NOM1: variants seen among roughly 807,000 people sequenced by gnomAD.
The protein encoded by NOM1 is nucleolar MIF4G domain-containing protein 1.
A neutral mutation model predicts 73.3 loss-of-function variants in NOM1; 58 were observed. The observed-to-expected ratio is 0.79, with a 90% CI of 0.64 to 0.99. The LOEUF (loss-of-function observed/expected upper bound fraction) is 0.99, where lower values mean the gene tolerates loss of function less well. NOM1 is among the 50% of genes least tolerant of loss of function. The pLI is 0.00. For synonymous variants in NOM1, 487 were observed against 446.8 expected (o/e 1.09, Z -1.14); for missense variants, 1,226 against 1,131.9 (o/e 1.08, Z -1.19).
At chr7:156,968,062 G>A (rs969951389) in intron 9 of NOM1, among the ~76,000 whole-genome samples, 4 of 152,280 alleles carry the variant, frequency 2.6e-5, no homozygotes, top group Admixed American at 6.5e-5. Context: ...TCAGCATGCC[G>A]GCTCCAGTTC....
intron 1 of NOM1, among the ~76,000 whole-genome samples, chr7:156,951,866 C>T (rs1389243166): frequency 6.6e-6 from 1 of 151,978 alleles, no homozygotes; most frequent in Non-Finnish European, 1.5e-5. Flanking sequence ...ACCACCATGC[C>T]CGGCTAATTT....
chr7:156,953,984 A>G (rs952850144), intron 2 of NOM1, 119 bp from the exon 3 acceptor site: 3 of 781,964 alleles, frequency 3.8e-6, no homozygotes, highest in Admixed American at 3.0e-5. Context: ...TAAGGGGTCA[A>G]AAGTGTACAT....
At position 156,963,484 on chromosome 7, in the gene NOM1, G is replaced by A. The variant is rs555377053; in HGVS notation, c.1911+309G>A. 9.6e-5 allele frequency: 45 copies of A among 470,170 alleles called. No individual in the cohort carries two copies. The South Asian group carries it at 9.9e-4, about 10-fold the overall frequency. The allele number at this position is 470,170 out of a possible 1,614,324, so 29.1% of individuals were successfully genotyped here. ...CTGAGACCCCTCAGGCTGCCCCCCGGGCTGTGCATTCTAGGCTACAGGCTA... is the reference window on the plus strand; with the variant it reads ...CTGAGACCCCTCAGGCTGCCCCCCGAGCTGTGCATTCTAGGCTACAGGCTA... On this transcript the variant is annotated intron_variant, in intron 6 of 10. Coordinates refer to ENST00000275820, the MANE Select transcript of NOM1 (RefSeq NM_138400.2).
chr7:156,967,717 A>G (rs944364828), intron 9 of NOM1, among the ~76,000 whole-genome samples: 8 of 151,968 alleles, frequency 5.3e-5, no homozygotes, highest in Non-Finnish European at 8.8e-5. Flanking sequence ...TAGAGACGGG[A>G]TTTCACCATG....
rs771386386 is a variant in NOM1 at position 156,966,926 on chromosome 7, G to A, written c.2167-35G>A. The A allele has an allele frequency of 2.2e-5, 35 of 1,582,890 alleles. 1 individual carries two copies. Among genetic ancestry groups the A allele is most frequent in the East Asian group, 1.3e-4 (6 of 44,492 alleles). ...TGATATATTATAGTAATTTGTGGCC[G>A]TTTGCCTTTTTTCTCCTTTTAACTA... On this transcript the variant is annotated intron_variant, in intron 8 of 10. Transcript: ENST00000275820.
At chr7:156,962,043 G>A (rs1180605383) in intron 4 of NOM1, 108 bp from the exon 5 acceptor site, 21 of 814,676 alleles carry the variant, frequency 2.6e-5, no homozygotes, top group Non-Finnish European at 4.2e-5. Flanking sequence ...TTTGTATCGT[G>A]GCGGTGGCGG....
chr7:156,969,413 T>C (rs1805084286), intron 10 of NOM1, 116 bp from the exon 11 acceptor site: 2 of 921,752 alleles, frequency 2.2e-6, no homozygotes, highest in South Asian at 1.8e-5. Context: ...AAGTTCTTAA[T>C]TGAGAATTTT....
chr7:156,963,958 C>T lies in NOM1; in HGVS notation c.1965C>T (p.Ile655=). 6.2e-7 allele frequency: 1 copy of T among 1,614,064 alleles called. No individual in the cohort carries two copies. The highest frequency in any genetic ancestry group is 1.1e-5 in the South Asian group (1 of 91,070). The part of the protein sequence containing the change: ...LARKQRMNTD[I]RRNIFCTIMT... Reference sequence around the variant, plus strand: ...GGAAGCAGAGGATGAACACAGACATCCGGAGAAACATATTCTGCACAATAA... The same window carrying T: ...GGAAGCAGAGGATGAACACAGACATTCGGAGAAACATATTCTGCACAATAA... The change falls in exon 7 of 11, where the codon ATC becomes ATT. Residue 655 remains isoleucine (I), a synonymous_variant. Transcript: ENST00000275820.
At chr7:156,966,006 A>G (rs559108043) in intron 7 of NOM1, among the ~76,000 whole-genome samples, 60 of 152,324 alleles carry the variant, frequency 3.9e-4, no homozygotes, top group African/African-American at 1.4e-3. Context: ...AGCCGGGCAC[A>G]GCTGTCGACT....
At chr7:156,964,901 A>G (rs991848672) in intron 7 of NOM1, among the ~76,000 whole-genome samples, 1 of 152,154 alleles carries the variant, frequency 6.6e-6, no homozygotes, top group African/African-American at 2.4e-5. Flanking sequence ...GGTCTAGCTT[A>G]TCCTTTGTAC....
rs759523570 is a variant in NOM1, at chr7:156,963,072, C to T, written c.1808C>T (p.Ala603Val). 3.1e-5 allele frequency: 50 copies of T among 1,614,048 alleles called. No homozygotes were observed. The highest frequency in any genetic ancestry group is 1.2e-4 in the Admixed American group (7 of 60,004). The change falls in exon 6 of 11, where the codon GCG (alanine) becomes GTG (valine). Residue 603 changes from alanine to valine, a missense_variant. By Grantham distance (64) the Ala-to-Val change is moderately conservative. Transcript: ENST00000275820. ...LRVSWDSVLS[A>V]EQTGRWWIVG... ...GTCTCCTGGGACAGTGTCTTGAGTG[C>T]GGAGCAGACGGGTCGCTGGTGGATT...
Position 156,954,522 on chromosome 7 carries a change from CTTTTTT to C in NOM1, c.1308+239_1308+244del, listed in dbSNP as rs34176770. The stretch of plus-strand genomic sequence containing the variant: ...ACTTTGCTTTTTTGTTCTGTCCATT[CTTTTTT>C]TTTTTTTTTTTTTTGAGACAGGGTC... On this transcript the variant is annotated intron_variant, in intron 3 of 10. Coordinates refer to ENST00000275820, the MANE Select transcript of NOM1 (RefSeq NM_138400.2). Among the ~76,000 whole-genome samples, 202 of 101,652 alleles carry C rather than the reference CTTTTTT, an allele frequency of 2.0e-3. 2 individuals are homozygous for C. The highest frequency in any genetic ancestry group is 2.4e-3 in the Non-Finnish European group (125 of 52,550). The allele number at this position is 101,652 out of a possible 152,430, so 66.7% of individuals were successfully genotyped here. A position where few individuals can be genotyped will look rare whatever the true frequency, so the allele number is the denominator to read the frequency against.
In NOM1 at chr7:156,954,118, C is replaced by T; in HGVS notation, c.1128C>T (p.Asn376=). The change falls in exon 3 of 11, where the codon AAC becomes AAT. Residue 376 remains asparagine, a synonymous_variant. Coordinates refer to ENST00000275820, the MANE Select transcript of NOM1 (RefSeq NM_138400.2). ...TTCTCTGCAGGTTGAGTGAACCCAA[C>T]ATGGCTTCCATCAGTGGGCAGCTGG... The part of the protein sequence containing the change: ...KGLLNRLSEP[N]MASISGQLEE... 3 of 1,611,120 alleles carry T rather than the reference C, an allele frequency of 1.9e-6. No individual in the cohort carries two copies. Among genetic ancestry groups the T allele is most frequent in the Non-Finnish European group, 2.5e-6 (3 of 1,179,072 alleles).
intron 8 of NOM1, 149 bp downstream of exon 8, chr7:156,966,551 T>C (rs1051772019): frequency 3.3e-6 from 3 of 911,228 alleles, no homozygotes; most frequent in Non-Finnish European, 5.0e-6. Context: ...CAGGCCACCT[T>C]CACTGGGAGC....
At chr7:156,959,383 G>A (rs7456550) in intron 3 of NOM1, among the ~76,000 whole-genome samples, 78,762 of 149,060 alleles carry the variant, frequency 0.53, 21,024 homozygotes, top group Middle Eastern at 0.67. Flanking sequence ...GTTTACAGGC[G>A]CACACCACCA....
chr7:156,955,530 C>G (rs1228059252), intron 3 of NOM1, among the ~76,000 whole-genome samples: 3 of 152,176 alleles, frequency 2.0e-5, no homozygotes, highest in African/African-American at 7.2e-5. Context: ...TCTGACAGCT[C>G]TACTCCAAAA....
At chr7:156,951,431 A>T (rs1305522839) in intron 1 of NOM1, among the ~76,000 whole-genome samples, 1 of 152,134 alleles carries the variant, frequency 6.6e-6, no homozygotes, top group African/African-American at 2.4e-5. Context: ...CAATCAAGGC[A>T]TTCATGGGCT....
chr7:156,959,619 A>G (rs757178944), intron 3 of NOM1, among the ~76,000 whole-genome samples: 5 of 152,170 alleles, frequency 3.3e-5, no homozygotes, highest in Non-Finnish European at 5.9e-5. Flanking sequence ...AGGAGTCAGA[A>G]TGGCTGCTGG....
chr7:156,952,238 A>T (rs970812216), intron 1 of NOM1, among the ~76,000 whole-genome samples: 11 of 152,156 alleles, frequency 7.2e-5, no homozygotes, highest in African/African-American at 2.7e-4. Context: ...GGAAAACGAG[A>T]TGGTGAAATG....
Sources: allele counts gnomAD v4.1 joint callset (sites outside exome capture counted in the v4.1 genomes callset), GRCh38; gene constraint gnomAD v4.1.1; transcripts MANE v1.5; gene names NCBI Gene and HGNC (gene_info 2026-07-23, HGNC 2026-07-21).